Variants in ADCYAP1R1 observed in about 807,000 individuals in gnomAD.
ADCYAP1R1 encodes ADCYAP receptor type I, also known as pituitary adenylate cyclase-activating polypeptide type I receptor.
A neutral mutation model predicts 67.6 loss-of-function variants in ADCYAP1R1; 44 were observed. That is an observed-to-expected ratio of 0.65 (90% CI 0.51 to 0.84). The LOEUF is 0.84. Among genes scored for constraint, ADCYAP1R1 ranks in the 40% least tolerant of loss-of-function variants. The pLI is 0.00. For missense variants in ADCYAP1R1, 477 were observed against 587.9 expected (o/e 0.81, Z 1.95); for synonymous variants, 222 against 219.6 (o/e 1.01, Z -0.10).
chr7:31,063,074 G>A (rs1455177051), intron 1 of ADCYAP1R1, 120 bp from the exon 2 acceptor site: 2 of 623,854 alleles, frequency 3.2e-6, no homozygotes, highest in African/African-American at 3.7e-5. Flanking sequence ...AGGGAGGTGG[G>A]GTTATCCTTG....
intron 3 of ADCYAP1R1, among the ~76,000 whole-genome samples, chr7:31,070,723 G>T (rs1447079973): frequency 6.6e-6 from 1 of 152,172 alleles, no homozygotes; most frequent in African/African-American, 2.4e-5. Context: ...TTGTGTCTTC[G>T]TGAAGTCTGG....
At chr7:31,056,592 C>T (rs918214704) in intron 1 of ADCYAP1R1, among the ~76,000 whole-genome samples, 1 of 152,090 alleles carries the variant, frequency 6.6e-6, no homozygotes, top group African/African-American at 2.4e-5. Context: ...GATTCTGTCC[C>T]CCACTTTCCA....
chr7:31,099,371 T>C (rs975381068), intron 13 of ADCYAP1R1, among the ~76,000 whole-genome samples: 3 of 152,232 alleles, frequency 2.0e-5, no homozygotes, highest in African/African-American at 7.2e-5. Context: ...ACTAGCTCCA[T>C]GTGGCTGTTG....
rs1447409515 is a variant in ADCYAP1R1, at chr7:31,094,247, A to G, written c.1046+1512A>G. ...ATCAATATAAATCATAAAGTCTTAG[A>G]GGCCCTGCCCTGTGGGGTGGGGGGC... is the stretch of plus-strand genomic sequence containing the variant. On this transcript the variant is annotated intron_variant, in intron 13 of 15. Transcript: ENST00000304166. Among the ~76,000 whole-genome samples, 10 of 152,256 alleles carry G rather than the reference A, an allele frequency of 6.6e-5. No homozygotes were observed. In the East Asian group the frequency reaches 1.9e-3, roughly 29 times the overall value.
chr7:31,057,235 T>A (rs541093527), intron 1 of ADCYAP1R1: 2 of 152,762 alleles, frequency 1.3e-5, no homozygotes, highest in East Asian at 3.9e-4. Context: ...CCCGCATTTA[T>A]CTTCTGCCTT....
At chr7:31,056,470 C>A (rs564491019) in intron 1 of ADCYAP1R1, among the ~76,000 whole-genome samples, 109 of 152,200 alleles carry the variant, frequency 7.2e-4, no homozygotes, top group African/African-American at 2.6e-3. Flanking sequence ...TGAACCAGGT[C>A]CTGCCTTCTG....
In ADCYAP1R1 at chr7:31,106,696, C is replaced by T. The variant is rs1373242956; in HGVS notation, c.*12C>T. The T allele has an allele frequency of 1.3e-6, 2 of 1,575,918 alleles. No individual in the cohort carries two copies. Among genetic ancestry groups the T allele is most frequent in the African/African-American group, 2.7e-5 (2 of 73,852 alleles). ...ATCTGGCCACCTGAGCCATGCTCCCCTCCTCCTCCTCTCCTCCATCCACAG... is the reference window on the plus strand; with the variant it reads ...ATCTGGCCACCTGAGCCATGCTCCCTTCCTCCTCCTCTCCTCCATCCACAG... On this transcript the variant is annotated 3_prime_UTR_variant, in exon 16 of 16. Transcript: ENST00000304166.
At chr7:31,095,629 C>T in intron 13 of ADCYAP1R1, 2 of 717,340 alleles carry the variant, frequency 2.8e-6, no homozygotes, top group Non-Finnish European at 5.2e-6. Flanking sequence ...TTCAGATCTG[C>T]CCACAACAGC....
intron 13 of ADCYAP1R1, among the ~76,000 whole-genome samples, chr7:31,098,028 G>T (rs1378805639): frequency 1.3e-5 from 2 of 152,086 alleles, no homozygotes; most frequent in Non-Finnish European, 2.9e-5. Flanking sequence ...AGCCTCCCAA[G>T]TAGCTGGGAC....
At chr7:31,058,842 C>G (rs1398760574) in intron 1 of ADCYAP1R1, among the ~76,000 whole-genome samples, 1 of 152,126 alleles carries the variant, frequency 6.6e-6, no homozygotes, top group Non-Finnish European at 1.5e-5. Flanking sequence ...TGGAGCCAGA[C>G]TGCTTGGGTT....
At chr7:31,064,680 A>C in intron 2 of ADCYAP1R1, 151 bp from the exon 3 acceptor site, 1 of 634,750 alleles carries the variant, frequency 1.6e-6, no homozygotes, top group Non-Finnish European at 2.8e-6. Context: ...GGTGAATGTC[A>C]GGGCCCCTGC....
chr7:31,100,199 C>T, intron 13 of ADCYAP1R1: 1 of 1,550,570 alleles, frequency 6.4e-7, no homozygotes, highest in Admixed American at 2.0e-5. Context: ...CAGAACTGTC[C>T]ACCATTACTC....
intron 1 of ADCYAP1R1, among the ~76,000 whole-genome samples, chr7:31,058,600 C>T (rs1794360419): frequency 6.6e-6 from 1 of 152,152 alleles, no homozygotes; most frequent in Admixed American, 6.5e-5. Context: ...CTATCTGCAC[C>T]TTGGGAGGTG....
intron 13 of ADCYAP1R1, among the ~76,000 whole-genome samples, chr7:31,098,707 G>GGT (rs953454170): frequency 2.2e-5 from 1 of 44,770 alleles, no homozygotes; most frequent in Non-Finnish European, 3.5e-5. Context: ...GCGGGGCGGG[G>GGT]GGGGGGGGGG....
At chr7:31,075,785 A>G (rs2128623924) in intron 3 of ADCYAP1R1, among the ~76,000 whole-genome samples, 1 of 152,254 alleles carries the variant, frequency 6.6e-6, no homozygotes, top group South Asian at 2.1e-4. Flanking sequence ...GCTTCTGGTC[A>G]TAGCTGTGTG....
intron 13 of ADCYAP1R1, among the ~76,000 whole-genome samples, chr7:31,095,000 A>G (rs1796133332): frequency 6.6e-6 from 1 of 152,158 alleles, no homozygotes; most frequent in Non-Finnish European, 1.5e-5. Flanking sequence ...CACACAGGAC[A>G]GGGAATCAGC....
At chr7:31,103,858 A>G (rs1289284309) in intron 14 of ADCYAP1R1, among the ~76,000 whole-genome samples, 1 of 152,094 alleles carries the variant, frequency 6.6e-6, no homozygotes, top group African/African-American at 2.4e-5. Flanking sequence ...TGCCTGGAGG[A>G]AGGAGTGGAT....
At chr7:31,073,686 A>G (rs957013314) in intron 3 of ADCYAP1R1, among the ~76,000 whole-genome samples, 2 of 152,122 alleles carry the variant, frequency 1.3e-5, no homozygotes, top group Non-Finnish European at 2.9e-5. Flanking sequence ...CATCTGTGCT[A>G]GGCTGGGAGG....
chr7:31,089,149 TA>T (rs1238080164), intron 12 of ADCYAP1R1, among the ~76,000 whole-genome samples: 1 of 152,192 alleles, frequency 6.6e-6, no homozygotes, highest in Non-Finnish European at 1.5e-5. Context: ...TCTAATGGGC[TA>T]TTGCTGGTGT....
Sources: gnomAD v4.1 joint callset for allele counts (sites outside exome capture counted in the v4.1 genomes callset) on GRCh38, gnomAD v4.1.1 for gene constraint, MANE v1.5 for transcripts, NCBI Gene and HGNC (gene_info 2026-07-23, HGNC 2026-07-21) for gene names.